Variants in LDLRAD4 observed in about 807,000 individuals in gnomAD.
The protein encoded by LDLRAD4 is low-density lipoprotein receptor class A domain-containing protein 4.
Under a neutral mutation model 17.0 loss-of-function variants are expected in LDLRAD4, and 5 were observed. That is an observed-to-expected ratio of 0.29 (90% CI 0.15 to 0.62). LDLRAD4 has a LOEUF of 0.62. Ranked by LOEUF, LDLRAD4 falls within the 20% of genes least tolerant of loss-of-function variation. The probability of loss-of-function intolerance (pLI) is 0.84; values close to 1 mark genes in which losing one functional copy is unlikely to be tolerated. For synonymous variants in LDLRAD4, 168 were observed against 171.8 expected, an observed-to-expected ratio of 0.98 and a Z score of 0.17; for missense variants, 340 against 424.7, an observed-to-expected ratio of 0.80 and a Z score of 1.75.
At chr18:13,555,509 A>G (rs1182807130) in intron 3 of LDLRAD4, among the ~76,000 whole-genome samples, 1 of 151,994 alleles carries the variant, frequency 6.6e-6, no homozygotes, top group East Asian at 1.9e-4. Flanking sequence ...TACCTATGGA[A>G]TTCAATATTA....
intron 1 of LDLRAD4, among the ~76,000 whole-genome samples, chr18:13,280,817 G>A (rs369128499): frequency 2.6e-4 from 40 of 152,316 alleles, no homozygotes; most frequent in South Asian, 2.1e-3. Context: ...GGGACCATGC[G>A]GATGTCTTCC....
intron 2 of LDLRAD4, among the ~76,000 whole-genome samples, chr18:13,414,407 A>G (rs1321645213): frequency 2.0e-5 from 3 of 152,210 alleles, no homozygotes; most frequent in Non-Finnish European, 2.9e-5. Flanking sequence ...TGGCATCTCT[A>G]TTGTCACTGT....
chr18:13,590,673 T>G (rs1034079080), intron 3 of LDLRAD4, among the ~76,000 whole-genome samples: 7 of 152,212 alleles, frequency 4.6e-5, no homozygotes, highest in Non-Finnish European at 7.3e-5. Context: ...TGTGCGTGAT[T>G]AGCCTCGAGA....
chr18:13,455,104 G>T (rs549907006), intron 3 of LDLRAD4, among the ~76,000 whole-genome samples: 17 of 152,192 alleles, frequency 1.1e-4, no homozygotes, highest in Non-Finnish European at 2.5e-4. Context: ...GGCTGGGGAG[G>T]GGGCATAGGT....
At chr18:13,429,542 G>T (rs577197310) in intron 2 of LDLRAD4, among the ~76,000 whole-genome samples, 1 of 152,238 alleles carries the variant, frequency 6.6e-6, no homozygotes, top group East Asian at 1.9e-4. Context: ...ATAATTCAGA[G>T]CAGGCGACGG....
At chr18:13,272,292 G>T (rs181475366) in intron 1 of LDLRAD4, among the ~76,000 whole-genome samples, 1 of 152,168 alleles carries the variant, frequency 6.6e-6, no homozygotes, top group Non-Finnish European at 1.5e-5. Flanking sequence ...GAGGGTTGTC[G>T]TGGGACTCAG....
At chr18:13,446,634 G>C (rs1325508870) in intron 3 of LDLRAD4, among the ~76,000 whole-genome samples, 2 of 152,224 alleles carry the variant, frequency 1.3e-5, no homozygotes, top group East Asian at 3.8e-4. Context: ...CCAGAAGCCA[G>C]CTCTCCTCTC....
At chr18:13,614,343 T>C (rs2039886479) in intron 3 of LDLRAD4, 1 of 151,694 alleles carries the variant, frequency 6.6e-6, no homozygotes, top group Admixed American at 6.6e-5. Context: ...CCAAAGGTAG[T>C]GAACCCATCA....
intron 4 of LDLRAD4, among the ~76,000 whole-genome samples, chr18:13,625,734 C>G (rs2041087240): frequency 1.6e-5 from 2 of 125,808 alleles, no homozygotes; most frequent in Non-Finnish European, 3.4e-5. Flanking sequence ...GCACCCTCCT[C>G]CCCCCACCAG....
At chr18:13,334,760 T>G (rs1323052864) in intron 1 of LDLRAD4, among the ~76,000 whole-genome samples, 1 of 152,210 alleles carries the variant, frequency 6.6e-6, no homozygotes. Context: ...GAGAAGGATG[T>G]CCTTGCCTTG....
At chr18:13,561,694 G>C (rs1170584948) in intron 3 of LDLRAD4, 1 of 152,188 alleles carries the variant, frequency 6.6e-6, no homozygotes, top group Non-Finnish European at 1.5e-5. Context: ...AGCGTGTCTT[G>C]ACTCAGTGTA....
intron 3 of LDLRAD4, among the ~76,000 whole-genome samples, chr18:13,501,793 G>GTTTA (rs2093619401): frequency 6.6e-6 from 1 of 152,150 alleles, no homozygotes; most frequent in Non-Finnish European, 1.5e-5. Flanking sequence ...GGTTGGTTTG[G>GTTTA]TTTAATGCAT....
exon 6 of LDLRAD4, chr18:13,647,837 G>C (rs2043073421): frequency 6.6e-6 from 1 of 152,252 alleles, no homozygotes; most frequent in South Asian, 2.1e-4. Flanking sequence ...TCTTGTTCCA[G>C]TGACAGTTGG....
intron 1 of LDLRAD4, among the ~76,000 whole-genome samples, chr18:13,349,322 G>A (rs1021288604): frequency 1.3e-5 from 2 of 152,244 alleles, no homozygotes; most frequent in Admixed American, 1.3e-4. Flanking sequence ...CATAGATTAT[G>A]TCTTTGTATA....
chr18:13,405,684 C>T (rs554736609), intron 2 of LDLRAD4, among the ~76,000 whole-genome samples: 185 of 152,006 alleles, frequency 1.2e-3, no homozygotes, highest in South Asian at 4.0e-3. Flanking sequence ...GCAGTCCACC[C>T]GCCTCAGCCT....
chr18:13,324,089 A>G (rs1266301361), intron 1 of LDLRAD4, among the ~76,000 whole-genome samples: 1 of 128,402 alleles, frequency 7.8e-6, no homozygotes, highest in African/African-American at 3.3e-5. Flanking sequence ...CCAAATCTTG[A>G]CGATGAATTA....
Position 13,594,627 on chromosome 18 carries a change from C to T in LDLRAD4, c.182-26490C>T, listed in dbSNP as rs2095069105. 2.3e-5 allele frequency among the ~76,000 whole-genome samples: 3 copies of T among 128,890 alleles called. No individual in the cohort carries two copies. In the Admixed American group the frequency reaches 2.8e-4, roughly 12 times the overall value. The allele number at this position is 128,890 out of a possible 152,430, so 84.6% of individuals were successfully genotyped here. Reference sequence around the variant, plus strand: ...GTTGCAGTGAGCTGAGATCATGCCACTATGCTCCAGCCTGGGTGACAGAGC... The same window carrying T: ...GTTGCAGTGAGCTGAGATCATGCCATTATGCTCCAGCCTGGGTGACAGAGC... On this transcript the variant is annotated intron_variant, in intron 3 of 5. Coordinates refer to ENST00000359446, the Ensembl canonical transcript of LDLRAD4.
At chr18:13,276,432 T>G (rs569650315), upstream of LDLRAD4, among the ~76,000 whole-genome samples, 25 of 152,364 alleles carry the variant, frequency 1.6e-4, no homozygotes, top group Admixed American at 7.2e-4. Flanking sequence ...AGGCATGGCT[T>G]AGTTGGTTCT....
intron 3 of LDLRAD4, among the ~76,000 whole-genome samples, chr18:13,478,397 C>G (rs999474345): frequency 1.3e-5 from 2 of 152,224 alleles, no homozygotes; most frequent in Non-Finnish European, 2.9e-5. Flanking sequence ...TTCTGAACAT[C>G]AACTGGGTTC....
Sources: allele counts gnomAD v4.1 joint callset (sites outside exome capture counted in the v4.1 genomes callset), GRCh38; gene constraint gnomAD v4.1.1; transcripts MANE v1.5; gene names NCBI Gene and HGNC (gene_info 2026-07-23, HGNC 2026-07-21).